The following KCNH7 variants were observed in gnomAD, a reference collection of about 807,000 sequenced individuals.
The protein encoded by KCNH7 is voltage-gated inwardly rectifying potassium channel KCNH7.
KCNH7 carries 49 observed loss-of-function variants against 120.8 expected under a neutral mutation model. The ratio of observed to expected loss-of-function variants is 0.41; its 90% CI spans 0.32 to 0.51. KCNH7 has a LOEUF of 0.51. Ranked by LOEUF, KCNH7 falls within the 20% of genes least tolerant of loss-of-function variation. The pLI is 0.38. For missense variants in KCNH7, 1,097 were observed against 1,446.6 expected, an observed-to-expected ratio of 0.76 and a Z score of 3.92; for synonymous variants, 547 against 516.1, an observed-to-expected ratio of 1.06 and a Z score of -0.81.
chr2:162,779,563 A>G (rs1360783011), intron 2 of KCNH7, among the ~76,000 whole-genome samples: 1 of 152,154 alleles, frequency 6.6e-6, no homozygotes, highest in African/African-American at 2.4e-5. Context: ...CCTATCCTGT[A>G]AGAGCTAAGT....
intron 7 of KCNH7, 150 bp from the exon 8 acceptor site, chr2:162,435,747 T>C (rs1688212786): frequency 4.1e-6 from 3 of 723,492 alleles, no homozygotes; most frequent in East Asian, 5.5e-5. Flanking sequence ...TTGGTTCTTT[T>C]TTTTTTATGT....
At chr2:162,725,754 A>T (rs543890398) in intron 2 of KCNH7, among the ~76,000 whole-genome samples, 1 of 152,290 alleles carries the variant, frequency 6.6e-6, no homozygotes, top group South Asian at 2.1e-4. Context: ...GAAAATTTTG[A>T]ATCTATTCAC....
At chr2:162,474,125 T>C (rs188019265) in intron 6 of KCNH7, among the ~76,000 whole-genome samples, 83 of 152,336 alleles carry the variant, frequency 5.4e-4, no homozygotes, top group East Asian at 3.9e-4. Flanking sequence ...AAAGTAGCTC[T>C]TATTACCATT....
At chr2:162,508,805 G>A (rs945092938) in intron 5 of KCNH7, among the ~76,000 whole-genome samples, 4 of 151,554 alleles carry the variant, frequency 2.6e-5, no homozygotes, top group Middle Eastern at 6.8e-3. Flanking sequence ...GAGTGATCAT[G>A]AACAGATGGG....
chr2:162,798,268 A>T lies in KCNH7; in HGVS notation c.307+38269T>A, dbSNP rs549096551. Among the ~76,000 whole-genome samples, 9 of 152,180 alleles carry T rather than the reference A, an allele frequency of 5.9e-5. No individual in the cohort carries two copies. In the South Asian group the frequency reaches 1.4e-3, roughly 25 times the overall value. On this transcript the variant is annotated intron_variant, in intron 2 of 15. Coordinates refer to ENST00000332142, the MANE Select transcript of KCNH7 (RefSeq NM_033272.4). Reference sequence around the variant, plus strand: ...TAAGGCTTTTTAAAATTTACATTTTATTCCTTGTGAATTGGCCGTCCCAGA... The same window carrying T: ...TAAGGCTTTTTAAAATTTACATTTTTTTCCTTGTGAATTGGCCGTCCCAGA...
intron 8 of KCNH7, among the ~76,000 whole-genome samples, chr2:162,428,757 C>G (rs961891350): frequency 6.6e-6 from 1 of 151,746 alleles, no homozygotes; most frequent in Non-Finnish European, 1.5e-5. Flanking sequence ...CTATATTTGT[C>G]TATTTTATCT....
intron 2 of KCNH7, among the ~76,000 whole-genome samples, chr2:162,794,619 C>T (rs1426787403): frequency 2.0e-5 from 3 of 152,000 alleles, no homozygotes. Flanking sequence ...CTTAAAGACA[C>T]TTATACTCTA....
chr2:162,612,243 T>A (rs115256647), intron 2 of KCNH7, among the ~76,000 whole-genome samples: 2 of 152,256 alleles, frequency 1.3e-5, no homozygotes, highest in Non-Finnish European at 2.9e-5. Flanking sequence ...AGTTTGCCAA[T>A]CTTGGCAACT....
At chr2:162,706,014 T>G (rs1686686999) in intron 2 of KCNH7, among the ~76,000 whole-genome samples, 1 of 152,144 alleles carries the variant, frequency 6.6e-6, no homozygotes, top group Non-Finnish European at 1.5e-5. Context: ...TTCCTGATGT[T>G]TCAGATGAGC....
chr2:162,457,233 A>C (rs1383994117), intron 6 of KCNH7, among the ~76,000 whole-genome samples: 1 of 152,158 alleles, frequency 6.6e-6, no homozygotes, highest in Non-Finnish European at 1.5e-5. Flanking sequence ...CATTTCCTTA[A>C]GAAAGCCAAC....
chr2:162,697,309 C>T (rs1686328756), intron 2 of KCNH7, among the ~76,000 whole-genome samples: 1 of 152,108 alleles, frequency 6.6e-6, no homozygotes, highest in Admixed American at 6.6e-5. Context: ...CAAAAGTGTG[C>T]AATCAGCAAA....
intron 2 of KCNH7, among the ~76,000 whole-genome samples, chr2:162,591,900 T>C (rs1433907681): frequency 6.6e-6 from 1 of 152,076 alleles, no homozygotes; most frequent in African/African-American, 2.4e-5. Flanking sequence ...CATTCCTAGC[T>C]CTGGTGCTTT....
intron 3 of KCNH7, among the ~76,000 whole-genome samples, chr2:162,522,110 A>G (rs1691551325): frequency 2.0e-5 from 3 of 151,898 alleles, no homozygotes; most frequent in Non-Finnish European, 4.4e-5. Flanking sequence ...GCATTCTTAC[A>G]TATCTCTACT....
At chr2:162,599,790 G>A (rs77946469) in intron 2 of KCNH7, among the ~76,000 whole-genome samples, 4,273 of 151,916 alleles carry the variant, frequency 0.028, 226 homozygotes, top group African/African-American at 0.098. Context: ...ATTTTATAAA[G>A]TCCAAATTAC....
At chr2:162,673,071 C>T (rs975301562) in intron 2 of KCNH7, among the ~76,000 whole-genome samples, 40 of 152,074 alleles carry the variant, frequency 2.6e-4, no homozygotes, top group African/African-American at 9.6e-4. Context: ...GTTCCACATG[C>T]AACCAAGAAT....
chr2:162,804,926 C>A (rs1684487616), intron 2 of KCNH7, among the ~76,000 whole-genome samples: 1 of 151,852 alleles, frequency 6.6e-6, no homozygotes, highest in South Asian at 2.1e-4. Context: ...GAATAGAGAA[C>A]CCAGAAATAA....
At chr2:162,577,481 G>A (rs1323803224) in intron 2 of KCNH7, among the ~76,000 whole-genome samples, 4 of 151,710 alleles carry the variant, frequency 2.6e-5, no homozygotes, top group African/African-American at 7.3e-5. Context: ...TTGGAAACTC[G>A]TTACAGAAAC....
chr2:162,562,479 C>T (rs76467135), intron 2 of KCNH7, among the ~76,000 whole-genome samples: 5,112 of 152,112 alleles, frequency 0.034, 446 homozygotes, highest in East Asian at 0.22. Flanking sequence ...CTAGTTGCAC[C>T]GTGGCTTTGG....
chr2:162,765,225 T>C (rs1177817340), intron 2 of KCNH7, among the ~76,000 whole-genome samples: 1 of 152,182 alleles, frequency 6.6e-6, no homozygotes, highest in African/African-American at 2.4e-5. Context: ...AATGAAGATG[T>C]TAATTTCAAA....
Sources: gnomAD v4.1 joint callset for allele counts (sites outside exome capture counted in the v4.1 genomes callset) on GRCh38, gnomAD v4.1.1 for gene constraint, MANE v1.5 for transcripts, NCBI Gene and HGNC (gene_info 2026-07-23, HGNC 2026-07-21) for gene names.